The following SYN3 variants were observed in gnomAD, a reference collection of about 807,000 sequenced individuals.
The protein encoded by SYN3 is synapsin-3.
A neutral mutation model predicts 65.8 loss-of-function variants in SYN3; 35 were observed. That is an observed-to-expected ratio of 0.53 (90% CI 0.41 to 0.70). SYN3 has a LOEUF of 0.70. SYN3 is among the 30% of genes least tolerant of loss of function. SYN3 has a pLI of 0.00. For missense variants in SYN3, 680 were observed against 749.0 expected, an observed-to-expected ratio of 0.91 and a Z score of 1.08; for synonymous variants, 270 against 292.9, an observed-to-expected ratio of 0.92 and a Z score of 0.80.
chr22:32,959,026 C>T (rs1244600959), intron 3 of SYN3, among the ~76,000 whole-genome samples: 1 of 152,074 alleles, frequency 6.6e-6, no homozygotes, highest in Non-Finnish European at 1.5e-5. Context: ...AACCCCATCT[C>T]TACTAAAAAT....
At chr22:32,841,575 G>C (rs944771844) in intron 6 of SYN3, among the ~76,000 whole-genome samples, 2 of 152,090 alleles carry the variant, frequency 1.3e-5, no homozygotes, top group African/African-American at 4.8e-5. Context: ...GGTCGAATTT[G>C]AGATGTTTTA....
chr22:32,527,804 A>T, intron 12 of SYN3, 114 bp downstream of exon 12: 1 of 847,258 alleles, frequency 1.2e-6, no homozygotes, highest in Non-Finnish European at 1.9e-6. Context: ...TCTGTGGATA[A>T]AGTATTCAGG....
At chr22:32,545,113 C>T (rs367659140) in intron 7 of SYN3, among the ~76,000 whole-genome samples, 3 of 152,304 alleles carry the variant, frequency 2.0e-5, no homozygotes, top group South Asian at 2.1e-4. Flanking sequence ...TTGTACTCCT[C>T]GCTTCTCTCC....
In SYN3 at chr22:32,681,309, A is replaced by G. The variant is rs370675838; in HGVS notation, c.712-84573T>C. On this transcript the variant is annotated intron_variant, in intron 6 of 13. Transcript: ENST00000358763. ...GGCATCGAGTTAGTAGACAAAGGTC[A>G]GGGATAGTGCCAAATGGCTTGCCTG... Among the ~76,000 whole-genome samples, 617 of 151,156 alleles carry G rather than the reference A, an allele frequency of 4.1e-3. 2 individuals carry two copies. Among genetic ancestry groups the G allele is most frequent in the African/African-American group, 0.014 (572 of 41,092 alleles).
intron 1 of SYN3, among the ~76,000 whole-genome samples, chr22:33,047,750 T>C (rs1334957191): frequency 6.6e-6 from 1 of 150,692 alleles, no homozygotes; most frequent in Non-Finnish European, 1.5e-5. Flanking sequence ...CCAAGGAGAA[T>C]GAATACATGA....
chr22:32,553,379 A>G (rs1302217074), intron 7 of SYN3, among the ~76,000 whole-genome samples: 6 of 152,250 alleles, frequency 3.9e-5, no homozygotes, highest in Non-Finnish European at 8.8e-5. Flanking sequence ...AGACATGGCA[A>G]AAAAGGTAAA....
intron 4 of SYN3, among the ~76,000 whole-genome samples, chr22:32,888,761 A>G (rs757672450): frequency 6.6e-6 from 1 of 152,198 alleles, no homozygotes; most frequent in Non-Finnish European, 1.5e-5. Flanking sequence ...GAGCACTGAC[A>G]TGACACTCAA....
intron 7 of SYN3, among the ~76,000 whole-genome samples, chr22:32,587,628 C>T (rs571936797): frequency 4.6e-5 from 7 of 152,190 alleles, no homozygotes; most frequent in African/African-American, 9.6e-5. Context: ...CTCCAAAGGC[C>T]GACCAGGCCC....
At chr22:32,602,711 C>G (rs1394812416) in intron 6 of SYN3, among the ~76,000 whole-genome samples, 1 of 152,164 alleles carries the variant, frequency 6.6e-6, no homozygotes, top group East Asian at 1.9e-4. Flanking sequence ...CCGCTTGCCT[C>G]GGCCTCCCAA....
intron 7 of SYN3, among the ~76,000 whole-genome samples, chr22:32,553,247 T>G (rs2058442901): frequency 6.6e-6 from 1 of 152,238 alleles, no homozygotes; most frequent in Non-Finnish European, 1.5e-5. Context: ...CATGTCCTCA[T>G]GTCCTCTCCT....
chr22:32,672,189 G>A (rs1420691855), intron 6 of SYN3, among the ~76,000 whole-genome samples: 1 of 152,142 alleles, frequency 6.6e-6, no homozygotes, highest in Non-Finnish European at 1.5e-5. Flanking sequence ...TCCCCAGGGA[G>A]CTGCATTTAT....
intron 4 of SYN3, among the ~76,000 whole-genome samples, chr22:32,877,842 T>G (rs2049023160): frequency 1.3e-5 from 2 of 152,150 alleles, no homozygotes; most frequent in African/African-American, 4.8e-5. Context: ...GTTCTCTGCT[T>G]CATGGAATCA....
intron 1 of SYN3, among the ~76,000 whole-genome samples, chr22:33,024,901 C>G (rs539127658): frequency 4.3e-4 from 65 of 152,260 alleles, no homozygotes; most frequent in African/African-American, 1.5e-3. Context: ...TACTGCAGTC[C>G]TAAAGAATGT....
chr22:32,714,465 A>T (rs2061009140), intron 6 of SYN3, among the ~76,000 whole-genome samples: 1 of 152,216 alleles, frequency 6.6e-6, no homozygotes, highest in Non-Finnish European at 1.5e-5. Context: ...CAGCATTTTT[A>T]AAAAATGCCC....
rs544208324 is a variant in SYN3 at position 32,532,254 on chromosome 22, C to A, written c.1095+1539G>T. ...CAAATCTGGGTTCATGTCTGGTGGT[C>A]CCCGTGAGGGGATGCAGAGGCAGGA... is the stretch of plus-strand genomic sequence containing the variant. On this transcript the variant is annotated intron_variant, in intron 10 of 13. Transcript: ENST00000358763. Among the ~76,000 whole-genome samples the A allele has an allele frequency of 9.8e-5, 15 of 152,416 alleles. No individual in the cohort carries two copies. The South Asian group carries it at 2.7e-3, about 27-fold the overall frequency.
chr22:32,997,073 G>A (rs2052902214), intron 2 of SYN3, among the ~76,000 whole-genome samples: 1 of 152,356 alleles, frequency 6.6e-6, no homozygotes, highest in African/African-American at 2.4e-5. Context: ...GGGAGAGGTT[G>A]GGGAGTGGCA....
intron 6 of SYN3, among the ~76,000 whole-genome samples, chr22:32,817,680 T>C (rs1229748799): frequency 6.6e-6 from 1 of 152,244 alleles, no homozygotes; most frequent in Non-Finnish European, 1.5e-5. Context: ...TGACTTGTTT[T>C]ATAATCTTGC....
In SYN3 at chr22:32,670,864, G is replaced by A. The variant is rs554190574; in HGVS notation, c.712-74128C>T. Among the ~76,000 whole-genome samples, 22 of 152,342 alleles carry A rather than the reference G, an allele frequency of 1.4e-4. No homozygotes were observed. The East Asian group carries it at 3.9e-3, about 27-fold the overall frequency. The stretch of plus-strand genomic sequence containing the variant: ...TAATGAGGTAAGTGTGGGACGTGGT[G>A]AGTAGGAGGGCATGGGGGGATTCCC... On this transcript the variant is annotated intron_variant, in intron 6 of 13. Coordinates refer to ENST00000358763, the MANE Select transcript of SYN3 (RefSeq NM_003490.4).
chr22:32,520,128 T>C (rs931061995), intron 12 of SYN3, among the ~76,000 whole-genome samples: 2 of 152,100 alleles, frequency 1.3e-5, no homozygotes, highest in Non-Finnish European at 2.9e-5. Context: ...TGTGCGTGTA[T>C]ATAGGTATGT....
Sources: gnomAD v4.1 joint callset for allele counts (sites outside exome capture counted in the v4.1 genomes callset) on GRCh38, gnomAD v4.1.1 for gene constraint, MANE v1.5 for transcripts, NCBI Gene and HGNC (gene_info 2026-07-23, HGNC 2026-07-21) for gene names.